The following RASEF variants were observed in gnomAD, a reference collection of about 807,000 sequenced individuals.
RASEF encodes ras and EF-hand domain-containing protein.
In RASEF, 68 loss-of-function variants were observed where a neutral mutation model predicts 90.1. The ratio of observed to expected loss-of-function variants is 0.75; its 90% confidence interval spans 0.62 to 0.92. The LOEUF is 0.92. Ranked by LOEUF, RASEF falls within the 40% of genes least tolerant of loss-of-function variation. The pLI is 0.00. For synonymous variants in RASEF, 331 were observed against 345.2 expected (o/e 0.96, Z 0.46); for missense variants, 949 against 937.2 (o/e 1.01, Z -0.16).
the RASEF span, among the ~76,000 whole-genome samples, chr9:83,113,763 GT>G: frequency 2.6e-5 from 4 of 152,166 alleles, no homozygotes; most frequent in African/African-American, 9.7e-5. Context: ...AGTCAGACCG[GT>G]TCTCTGCTCT....
chr9:83,025,759 G>A lies in RASEF; in HGVS notation c.578+16C>T, dbSNP rs115865881. ...AAAGCACCCACAGGCCACTTATAAAGGAAGGACTTCAATACCTCTTCACCG... is the reference window on the plus strand; with the variant it reads ...AAAGCACCCACAGGCCACTTATAAAAGAAGGACTTCAATACCTCTTCACCG... On this transcript the variant is annotated intron_variant, in intron 2 of 16. Transcript: ENST00000376447. The A allele has an allele frequency of 1.8e-4, 290 of 1,611,354 alleles. 2 individuals are homozygous for A. In the African/African-American group the frequency reaches 3.2e-3, roughly 18 times the overall value.
the RASEF span, among the ~76,000 whole-genome samples, chr9:83,190,419 A>C: frequency 6.6e-6 from 1 of 152,238 alleles, no homozygotes; most frequent in Non-Finnish European, 1.5e-5. Context: ...CATTTGTAAC[A>C]CACACAGAGA....
chr9:83,204,028 A>G, the RASEF span, among the ~76,000 whole-genome samples: 2 of 152,162 alleles, frequency 1.3e-5, no homozygotes, highest in African/African-American at 4.8e-5. Context: ...TGAGCATCTG[A>G]TTGCTTAAGG....
chr9:83,005,215 T>C (rs1278455774), intron 8 of RASEF, among the ~76,000 whole-genome samples: 3 of 152,184 alleles, frequency 2.0e-5, no homozygotes, highest in African/African-American at 7.2e-5. Flanking sequence ...TTGGTTAACA[T>C]TGAGACACTT....
chr9:83,016,633 CAG>C (rs1829347408), intron 3 of RASEF, among the ~76,000 whole-genome samples: 2 of 151,992 alleles, frequency 1.3e-5, no homozygotes, highest in Middle Eastern at 3.4e-3. Context: ...GACATGGGGA[CAG>C]AGAGGGGGAT....
rs1270337875 is a variant in RASEF at position 83,018,945 on chromosome 9, C to A, written c.670-3045G>T. 2.0e-5 allele frequency among the ~76,000 whole-genome samples: 3 copies of A among 152,050 alleles called. No individual in the cohort carries two copies. In the East Asian group the frequency reaches 5.8e-4, roughly 29 times the overall value. On this transcript the variant is annotated intron_variant, in intron 3 of 16. Coordinates refer to ENST00000376447, the MANE Select transcript of RASEF (RefSeq NM_152573.4). ...GTCTTGTTTAATAAAGGTGTGGGAA[C>A]AATTGGATATCTACATAAAAAAAAT...
the RASEF span, among the ~76,000 whole-genome samples, chr9:83,111,330 G>T: frequency 1.3e-5 from 2 of 152,086 alleles, no homozygotes; most frequent in African/African-American, 4.8e-5. Context: ...TAGAAGGGTG[G>T]TTACCAGGGT....
chr9:83,186,264 G>C, the RASEF span, among the ~76,000 whole-genome samples: 1 of 152,080 alleles, frequency 6.6e-6, no homozygotes, highest in South Asian at 2.1e-4. Flanking sequence ...CCAGGAGTAA[G>C]CTATTTAAAA....
chr9:82,991,418 G>T (rs1587477467), intron 15 of RASEF, among the ~76,000 whole-genome samples: 1 of 152,126 alleles, frequency 6.6e-6, no homozygotes, highest in Non-Finnish European at 1.5e-5. Context: ...AGTTATTTTT[G>T]TGTGCCTGTC....
the RASEF span, among the ~76,000 whole-genome samples, chr9:83,215,966 C>G: frequency 1.8e-4 from 28 of 152,262 alleles, no homozygotes; most frequent in African/African-American, 5.5e-4. Flanking sequence ...TTGTTGGAAA[C>G]TAGAATAAAG....
chr9:83,037,744 ATTT>A lies in RASEF; in HGVS notation c.432-11826_432-11824del, dbSNP rs35483330. ...CTTAGCAAATCATTGTAAATGTCCT[ATTT>A]TTTTTTTTTTTTTTTGTAAACTAGT... On this transcript the variant is annotated intron_variant, in intron 1 of 16. Transcript: ENST00000376447. Among the ~76,000 whole-genome samples the A allele has an allele frequency of 8.7e-4, 115 of 131,866 alleles. 1 individual carries two copies. Among genetic ancestry groups the A allele is most frequent in the African/African-American group, 3.1e-3 (112 of 36,178 alleles). The allele number at this position is 131,866 out of a possible 152,430, so 86.5% of individuals were successfully genotyped here. A position where few individuals can be genotyped will look rare whatever the true frequency, so the allele number is the denominator to read the frequency against.
the RASEF span, among the ~76,000 whole-genome samples, chr9:83,203,057 G>A: frequency 6.6e-6 from 1 of 152,094 alleles, no homozygotes; most frequent in African/African-American, 2.4e-5. Flanking sequence ...GGAAGTTATT[G>A]TATATATGGA....
the RASEF span, among the ~76,000 whole-genome samples, chr9:83,149,864 G>A: frequency 2.6e-5 from 4 of 152,222 alleles, no homozygotes; most frequent in East Asian, 7.7e-4. Flanking sequence ...ACCAATTCCT[G>A]AATTATTTAA....
the RASEF span, among the ~76,000 whole-genome samples, chr9:83,193,471 T>C: frequency 2.0e-5 from 3 of 152,200 alleles, no homozygotes; most frequent in Non-Finnish European, 4.4e-5. Flanking sequence ...TAACTCTGAG[T>C]ACTTCAACAA....
the RASEF span, among the ~76,000 whole-genome samples, chr9:83,070,025 T>C: frequency 6.6e-6 from 1 of 152,202 alleles, no homozygotes; most frequent in Admixed American, 6.5e-5. Context: ...TAAGAGTTCT[T>C]TACATATTCT....
chr9:83,032,385 T>C (rs1016526998), intron 1 of RASEF, among the ~76,000 whole-genome samples: 4 of 152,170 alleles, frequency 2.6e-5, no homozygotes, highest in Non-Finnish European at 5.9e-5. Context: ...ACTTGCACTC[T>C]CAAATACCAT....
chr9:82,988,690 C>T (rs1361345361), intron 16 of RASEF, among the ~76,000 whole-genome samples: 6 of 152,056 alleles, frequency 3.9e-5, no homozygotes, highest in African/African-American at 7.2e-5. Context: ...CTTGCTCCCT[C>T]GTCATGTGAC....
the RASEF span, among the ~76,000 whole-genome samples, chr9:83,095,680 C>T: frequency 6.6e-6 from 1 of 151,884 alleles, no homozygotes; most frequent in South Asian, 2.1e-4. Flanking sequence ...ACCCTCTTTA[C>T]GGCTGAGTGA....
the RASEF span, among the ~76,000 whole-genome samples, chr9:83,092,003 C>CTTTTTTTTTT: frequency 1.5e-3 from 55 of 35,812 alleles, no homozygotes; most frequent in African/African-American, 2.8e-3. Flanking sequence ...TCTTTTATTT[C>CTTTTTTTTTT]TTTTTTTTTT....
Sources: gnomAD v4.1 joint callset for allele counts (sites outside exome capture counted in the v4.1 genomes callset) on GRCh38, gnomAD v4.1.1 for gene constraint, MANE v1.5 for transcripts, NCBI Gene and HGNC (gene_info 2026-07-23, HGNC 2026-07-21) for gene names.